Variants in CDKAL1 observed in about 807,000 individuals in gnomAD.
CDKAL1 encodes the protein CDKAL1 threonylcarbamoyladenosine tRNA methylthiotransferase, also known as threonylcarbamoyladenosine tRNA methylthiotransferase.
In CDKAL1, 32 loss-of-function variants were observed where a neutral mutation model predicts 68.2. The observed-to-expected ratio is 0.47, with a 90% CI of 0.35 to 0.63. The LOEUF is 0.63. Among genes scored for constraint, CDKAL1 ranks in the 30% least tolerant of loss-of-function variants. The pLI is 0.00. For synonymous variants in CDKAL1, 234 were observed against 244.3 expected (o/e 0.96, Z 0.39); for missense variants, 606 against 696.7 (o/e 0.87, Z 1.47).
chr6:20,599,797 G>A (rs1766002652), intron 4 of CDKAL1, among the ~76,000 whole-genome samples: 1 of 152,092 alleles, frequency 6.6e-6, no homozygotes, highest in South Asian at 2.1e-4. Context: ...GATAGCTTAA[G>A]GTATACTGAG....
chr6:20,898,994 A>G (rs565656016), intron 9 of CDKAL1, among the ~76,000 whole-genome samples: 3 of 151,412 alleles, frequency 2.0e-5, no homozygotes, highest in Non-Finnish European at 4.4e-5. Flanking sequence ...TGCTCATGTT[A>G]TATGACTAAC....
At chr6:20,836,102 T>TGGTA (rs1349173080) in intron 8 of CDKAL1, among the ~76,000 whole-genome samples, 1 of 151,954 alleles carries the variant, frequency 6.6e-6, no homozygotes, top group Non-Finnish European at 1.5e-5. Flanking sequence ...AAAGCAGGAG[T>TGGTA]GTACCTCCTA....
chr6:20,656,324 T>C (rs1169280450), intron 5 of CDKAL1, among the ~76,000 whole-genome samples: 7 of 152,084 alleles, frequency 4.6e-5, no homozygotes, highest in African/African-American at 1.7e-4. Context: ...TTCAAAATGG[T>C]GGAAGGAACA....
intron 10 of CDKAL1, among the ~76,000 whole-genome samples, chr6:20,986,011 A>G (rs182929789): frequency 1.3e-5 from 2 of 152,156 alleles, no homozygotes; most frequent in East Asian, 3.9e-4. Context: ...AATGGTAATA[A>G]CTTGTTCAGG....
intron 15 of CDKAL1, among the ~76,000 whole-genome samples, chr6:21,220,177 T>C (rs977487642): frequency 2.0e-5 from 3 of 151,528 alleles, no homozygotes; most frequent in Admixed American, 1.3e-4. Context: ...GTTCCTTTTT[T>C]ATGTTAAAGC....
chr6:21,099,771 C>T (rs911335799), intron 12 of CDKAL1, among the ~76,000 whole-genome samples: 3 of 152,184 alleles, frequency 2.0e-5, no homozygotes, highest in South Asian at 4.1e-4. Context: ...TGCCCTTTGA[C>T]TTTGTCTTTT....
rs1581846168 is a variant in CDKAL1, at chr6:20,625,297, C to A, written c.287-23996C>A. Reference sequence around the variant, plus strand: ...AAATTTTTTACCTGGGTGCTCTTATCTATCAAATATAAAAAAGCCTTTAGA... The same window carrying A: ...AAATTTTTTACCTGGGTGCTCTTATATATCAAATATAAAAAAGCCTTTAGA... On this transcript the variant is annotated intron_variant, in intron 4 of 15. Coordinates refer to ENST00000274695, the MANE Select transcript of CDKAL1 (RefSeq NM_017774.3). Among the ~76,000 whole-genome samples, 4 of 152,128 alleles carry A rather than the reference C, an allele frequency of 2.6e-5. No homozygotes were observed. The East Asian group carries it at 7.7e-4, about 29-fold the overall frequency.
At chr6:21,002,955 C>T (rs1434652562) in intron 11 of CDKAL1, among the ~76,000 whole-genome samples, 1 of 152,056 alleles carries the variant, frequency 6.6e-6, no homozygotes, top group Non-Finnish European at 1.5e-5. Context: ...CGCCACTGCA[C>T]TCCAGCCTGG....
intron 11 of CDKAL1, 61 bp downstream of exon 11, chr6:21,000,433 A>C: frequency 1.4e-6 from 2 of 1,433,630 alleles, no homozygotes; most frequent in Non-Finnish European, 1.9e-6. Flanking sequence ...GCTTGTGGCA[A>C]AAATGCACTT....
intron 13 of CDKAL1, among the ~76,000 whole-genome samples, chr6:21,187,490 T>C (rs1778061747): frequency 6.6e-6 from 1 of 152,232 alleles, no homozygotes; most frequent in Admixed American, 6.5e-5. Context: ...AGCTTTCTTA[T>C]GCCATAAAGA....
At chr6:20,904,571 C>T (rs1762150140) in intron 9 of CDKAL1, among the ~76,000 whole-genome samples, 1 of 152,056 alleles carries the variant, frequency 6.6e-6, no homozygotes, top group Admixed American at 6.5e-5. Flanking sequence ...AGGTGGATTA[C>T]CTGAGGTCAG....
chr6:21,043,335 G>T (rs1159564960), intron 11 of CDKAL1, among the ~76,000 whole-genome samples: 2 of 135,390 alleles, frequency 1.5e-5, no homozygotes, highest in Non-Finnish European at 3.3e-5. Context: ...GTGTGTGTAT[G>T]TGTGTGTGTG....
At chr6:21,088,711 G>C (rs1276266966) in intron 12 of CDKAL1, among the ~76,000 whole-genome samples, 3 of 152,194 alleles carry the variant, frequency 2.0e-5, no homozygotes, top group Non-Finnish European at 4.4e-5. Flanking sequence ...GGAGGCTGAG[G>C]AGGGTGGATC....
chr6:20,801,135 G>A (rs1337999427), intron 8 of CDKAL1, among the ~76,000 whole-genome samples: 1 of 151,312 alleles, frequency 6.6e-6, no homozygotes, highest in East Asian at 2.0e-4. Flanking sequence ...TGTTGCCCAG[G>A]CTGGTCTCAG....
At chr6:20,770,639 A>T (rs1400096774) in intron 7 of CDKAL1, among the ~76,000 whole-genome samples, 2 of 152,212 alleles carry the variant, frequency 1.3e-5, no homozygotes, top group Non-Finnish European at 2.9e-5. Flanking sequence ...TCTCAAGCCC[A>T]CATAATTTCT....
At position 20,597,061 on chromosome 6, in the gene CDKAL1, G is replaced by T. The variant is rs1204759219; in HGVS notation, c.286+48356G>T. ...GCCTTCTGTGTTGATCTGGCTGGGA[G>T]CTGCAGACCAGAGCTGTTCCTATTT... is the stretch of plus-strand genomic sequence containing the variant. On this transcript the variant is annotated intron_variant, in intron 4 of 15. Transcript: ENST00000274695. Among the ~76,000 whole-genome samples, 11 of 152,320 alleles carry T rather than the reference G, an allele frequency of 7.2e-5. No homozygotes were observed. The South Asian group carries it at 1.7e-3, about 23-fold the overall frequency.
rs555360781 is a variant in CDKAL1 at position 21,178,166 on chromosome 6, G to A, written c.1300-19855G>A. On this transcript the variant is annotated intron_variant, in intron 13 of 15. Coordinates refer to ENST00000274695, the MANE Select transcript of CDKAL1 (RefSeq NM_017774.3). Reference sequence around the variant, plus strand: ...AAGATGAGAGATGGAGATTTAAGGGGCAATCATATAGTATCCAAGGAAAAA... The same window carrying A: ...AAGATGAGAGATGGAGATTTAAGGGACAATCATATAGTATCCAAGGAAAAA... Among the ~76,000 whole-genome samples the A allele has an allele frequency of 1.2e-3, 183 of 152,208 alleles. 1 individual carries two copies. The highest frequency in any genetic ancestry group is 4.2e-3 in the African/African-American group (174 of 41,546).
chr6:20,945,814 T>C (rs1036326354), intron 9 of CDKAL1, among the ~76,000 whole-genome samples: 1 of 152,254 alleles, frequency 6.6e-6, no homozygotes, highest in Admixed American at 6.5e-5. Flanking sequence ...CTTTTATTTA[T>C]TTCTATTTAC....
At chr6:20,943,082 T>G (rs1295380829) in intron 9 of CDKAL1, among the ~76,000 whole-genome samples, 2 of 151,380 alleles carry the variant, frequency 1.3e-5, no homozygotes. Context: ...TCTCTCCTGT[T>G]TAAAGATCTT....
Sources: allele counts gnomAD v4.1 joint callset (sites outside exome capture counted in the v4.1 genomes callset), GRCh38; gene constraint gnomAD v4.1.1; transcripts MANE v1.5; gene names NCBI Gene and HGNC (gene_info 2026-07-23, HGNC 2026-07-21).